The following ADCY3 variants were observed in gnomAD, a reference collection of about 807,000 sequenced individuals.
ADCY3 encodes the protein adenylate cyclase type 3.
A neutral mutation model predicts 119.4 loss-of-function variants in ADCY3; 70 were observed. That is an observed-to-expected ratio of 0.59 (90% CI 0.48 to 0.72). The LOEUF (loss-of-function observed/expected upper bound fraction) is 0.72. Ranked by LOEUF, ADCY3 falls within the 30% of genes least tolerant of loss-of-function variation. The pLI is 0.00. For synonymous variants in ADCY3, 672 were observed against 621.4 expected (o/e 1.08, Z -1.21); for missense variants, 1,238 against 1,541.6 (o/e 0.80, Z 3.30).
In ADCY3 at chr2:24,841,718, C is replaced by T. The variant is rs1395754120; in HGVS notation, c.957-51G>A. 11 of 1,433,484 alleles carry T rather than the reference C, an allele frequency of 7.7e-6. No individual in the cohort carries two copies. Among genetic ancestry groups the T allele is most frequent in the Non-Finnish European group, 9.8e-6 (10 of 1,024,144 alleles). 88.8% of individuals were successfully genotyped at this position (1,433,484 alleles called of 1,614,324 possible). On this transcript the variant is annotated intron_variant, in intron 4 of 21. Transcript: ENST00000679454. This position sits in a 1 kb window ranked among gnomAD's most constrained non-coding sequence, Gnocchi z 5.8. The stretch of plus-strand genomic sequence containing the variant: ...TGACGCTCCAGGCAGCCAGGTGTAC[C>T]CGACCCCACTGCCAGCTCCCTCTCC...
At chr2:24,853,442 A>C in intron 3 of ADCY3, among the ~76,000 whole-genome samples, 1 of 128,958 alleles carries the variant, frequency 7.8e-6, no homozygotes, top group African/African-American at 2.8e-5. Flanking sequence ...TTATAGTGTG[A>C]TTTTCAGATT....
intron 14 of ADCY3, 47 bp downstream of exon 14, chr2:24,827,855 G>C: frequency 6.2e-7 from 1 of 1,606,714 alleles, no homozygotes; most frequent in East Asian, 2.2e-5. Context: ...GACTTTGCGG[G>C]CGGGAGGAAG....
At chr2:24,820,872 G>GCACAGC (rs756954197) in intron 20 of ADCY3, 24 bp from the exon 21 acceptor site, 1 of 1,612,452 alleles carries the variant, frequency 6.2e-7, no homozygotes. Context: ...ATAAAGTTCA[G>GCACAGC]CACAGCCACA....
chr2:24,822,610 G>A lies in ADCY3; in HGVS notation c.2904C>T (p.Phe968=). Residue 968 remains phenylalanine (F), a synonymous_variant, in exon 19 of 22, where the codon TTC becomes TTT. Transcript: ENST00000679454. The part of the protein sequence containing the change: ...DFDSLLDNPK[F]RVITKIKTIG... ...TGGTTTTGATCTTGGTGATCACCCG[G>A]AACTTGGGATTGTCCAGGAGCTGAG... 1 of 1,614,066 alleles carries A rather than the reference G, an allele frequency of 6.2e-7. No individual in the cohort carries two copies.
intron 2 of ADCY3, among the ~76,000 whole-genome samples, chr2:24,886,631 G>A (rs574693125): frequency 2.0e-5 from 3 of 152,320 alleles, no homozygotes; most frequent in East Asian, 1.9e-4. Context: ...CCCCCGCCCC[G>A]AGATGGGTGT....
intron 3 of ADCY3, among the ~76,000 whole-genome samples, chr2:24,871,315 C>T (rs1035465817): frequency 2.6e-5 from 4 of 152,188 alleles, no homozygotes; most frequent in Non-Finnish European, 5.9e-5. Flanking sequence ...TCCTCAATAA[C>T]CACAGGTCAC....
At position 24,898,663 on chromosome 2, in the gene ADCY3, G is replaced by A. The variant is rs1678563664; in HGVS notation, c.675+19650C>T. On this transcript the variant is annotated intron_variant, in intron 2 of 21. Coordinates refer to ENST00000679454, the MANE Select transcript of ADCY3 (RefSeq NM_004036.5). The surrounding 1 kb of genome is among the most constrained non-coding windows in gnomAD (Gnocchi z 4.3). ...TCTGACTTCCTTTCCACAAAGCAAA[G>A]GAGCAGAAGCCACAGGTCCCAGGAA... Among the ~76,000 whole-genome samples, 1 of 152,182 alleles carries A rather than the reference G, an allele frequency of 6.6e-6. No homozygotes were observed. The highest frequency in any genetic ancestry group is 2.4e-5 in the African/African-American group (1 of 41,444).
chr2:24,909,016 G>A (rs150703926), intron 2 of ADCY3, among the ~76,000 whole-genome samples: 101 of 152,232 alleles, frequency 6.6e-4, no homozygotes, highest in Non-Finnish European at 1.1e-3. Flanking sequence ...CTTAAATGCC[G>A]ATGATTCTCA....
Position 24,841,187 on chromosome 2 carries a change from A to T in ADCY3, c.1196+72T>A. 6.8e-7 allele frequency: 1 copy of T among 1,470,414 alleles called. No individual in the cohort carries two copies. The highest frequency in any genetic ancestry group is 1.3e-5 in the South Asian group (1 of 76,968). The allele number at this position is 1,470,414 out of a possible 1,614,324, so 91.1% of individuals were successfully genotyped here. A position where few individuals can be genotyped will look rare whatever the true frequency, so the allele number is the denominator to read the frequency against. ...CCAGGGGCCATGGCCAGCGCGGAAG[A>T]CCTGCTTCTCCCTGGGTCCAGGGCC... On this transcript the variant is annotated intron_variant, in intron 6 of 21. Transcript: ENST00000679454. The surrounding 1 kb of genome is among the most constrained non-coding windows in gnomAD (Gnocchi z 5.8).
At position 24,823,094 on chromosome 2, in the gene ADCY3, AG is replaced by A. The variant is rs1461091500; in HGVS notation, c.2883+114del. On this transcript the variant is annotated intron_variant, in intron 18 of 21. Coordinates refer to ENST00000679454, the MANE Select transcript of ADCY3 (RefSeq NM_004036.5). ...GCTGCAGAAGTCCATGTATTGCGGA[AG>A]GGGCTTATCTGGGAAAATGAAGCCA... 4 of 1,320,268 alleles carry A rather than the reference AG, an allele frequency of 3.0e-6. No homozygotes were observed. In the East Asian group the frequency reaches 9.9e-5, roughly 33 times the overall value. 81.8% of individuals were successfully genotyped at this position (1,320,268 alleles called of 1,614,324 possible).
At chr2:24,823,761 A>G (rs1668167115) in intron 17 of ADCY3, among the ~76,000 whole-genome samples, 1 of 148,800 alleles carries the variant, frequency 6.7e-6, no homozygotes, top group African/African-American at 2.5e-5. Flanking sequence ...GCACAATCTC[A>G]GCTCACTGCA....
At chr2:24,871,919 G>A (rs182611523) in intron 3 of ADCY3, among the ~76,000 whole-genome samples, 5 of 152,348 alleles carry the variant, frequency 3.3e-5, no homozygotes, top group South Asian at 2.1e-4. Flanking sequence ...CAGGGACAGC[G>A]AGGCCTCTCT....
At position 24,863,000 on chromosome 2, in the gene ADCY3, A is replaced by G. The variant is rs114441312; in HGVS notation, c.825+9570T>C. 2.4e-3 allele frequency among the ~76,000 whole-genome samples: 367 copies of G among 152,320 alleles called. 2 individuals carry two copies. Among genetic ancestry groups the G allele is most frequent in the African/African-American group, 8.5e-3 (355 of 41,570 alleles). On this transcript the variant is annotated intron_variant, in intron 3 of 21. Transcript: ENST00000679454. ...CTGGTACTTGGCTCTCAGCTGCTAT[A>G]CTATGTGAGAGGAAGGTGTTACATT...
chr2:24,893,444 C>T (rs920877649), intron 2 of ADCY3, among the ~76,000 whole-genome samples: 11 of 150,508 alleles, frequency 7.3e-5, no homozygotes, highest in African/African-American at 2.4e-4. Flanking sequence ...CTTGATCTCC[C>T]GGCCTCAAGC....
chr2:24,894,804 G>A (rs990622840), intron 2 of ADCY3, among the ~76,000 whole-genome samples: 14 of 151,774 alleles, frequency 9.2e-5, no homozygotes, highest in Non-Finnish European at 1.5e-4. Flanking sequence ...TGCTGGTTAC[G>A]AATTCTCTCA....
In ADCY3 at chr2:24,857,000, C is replaced by T. The variant is rs895208875; in HGVS notation, c.826-14616G>A. Among the ~76,000 whole-genome samples the T allele has an allele frequency of 2.6e-5, 4 of 152,344 alleles. No homozygotes were observed. In the East Asian group the frequency reaches 7.7e-4, roughly 29 times the overall value. On this transcript the variant is annotated intron_variant, in intron 3 of 21. Transcript: ENST00000679454. ...CACCAGACCAGTGTCCCCAGAGTCC[C>T]CAGATCAACAGGCCCCAAGAGAAGC...
At chr2:24,864,423 T>A (rs1440654891) in intron 3 of ADCY3, among the ~76,000 whole-genome samples, 1 of 152,086 alleles carries the variant, frequency 6.6e-6, no homozygotes, top group Non-Finnish European at 1.5e-5. Flanking sequence ...CAAACAGATA[T>A]CTGTACACCC....
chr2:24,889,725 A>T (rs1384908416), intron 2 of ADCY3, among the ~76,000 whole-genome samples: 2 of 152,204 alleles, frequency 1.3e-5, no homozygotes. Flanking sequence ...AATCCCAGCT[A>T]CTTGGGAGGC....
intron 21 of ADCY3, 101 bp downstream of exon 21, chr2:24,820,623 T>G (rs1006075985): frequency 7.2e-5 from 112 of 1,559,222 alleles, no homozygotes; most frequent in Non-Finnish European, 9.5e-5. Flanking sequence ...GGACTTACTG[T>G]TCAGGGCCAG....
Sources: gnomAD v4.1 joint callset for allele counts (sites outside exome capture counted in the v4.1 genomes callset) on GRCh38, gnomAD v4.1.1 for gene constraint, Gnocchi (gnomAD v3.1) non-coding constraint, MANE v1.5 for transcripts, NCBI Gene and HGNC (gene_info 2026-07-23, HGNC 2026-07-21) for gene names.